The following SLC12A7 variants were observed in gnomAD, a reference collection of about 807,000 sequenced individuals.
The protein encoded by SLC12A7 is solute carrier family 12 member 7, also known as K-Cl cotransporter 4.
A neutral mutation model predicts 120.6 loss-of-function variants in SLC12A7; 100 were observed. The observed-to-expected ratio is 0.83, with a 90% CI of 0.71 to 0.98. SLC12A7 has a LOEUF of 0.98. Ranked by LOEUF, SLC12A7 falls within the 50% of genes least tolerant of loss-of-function variation. The probability of loss-of-function intolerance (pLI) is 0.00; values close to 1 mark genes in which losing one functional copy is unlikely to be tolerated. For synonymous variants in SLC12A7, 760 were observed against 678.0 expected, an observed-to-expected ratio of 1.12 and a Z score of -1.88; for missense variants, 1,373 against 1,548.1, an observed-to-expected ratio of 0.89 and a Z score of 1.90.
At position 1,080,267 on chromosome 5, in the gene SLC12A7, ACGCCCTCCACCCACGGCGCG is replaced by A. The variant is rs1480891009; in HGVS notation, c.1298-791_1298-772del. On this transcript the variant is annotated intron_variant, in intron 9 of 23. Transcript: ENST00000264930. ...GGAGCCACGCAGAGGCTCTGCCCCC[ACGCCCTCCACCCACGGCGCG>A]GAGACACCAGGAGCCACGCAGAGGC... is the stretch of plus-strand genomic sequence containing the variant. 2.5e-3 allele frequency among the ~76,000 whole-genome samples: 58 copies of A among 23,510 alleles called. 14 individuals are homozygous for A. Among genetic ancestry groups the A allele is most frequent in the South Asian group, 0.011 (5 of 450 alleles). 15.4% of individuals were successfully genotyped at this position (23,510 alleles called of 152,430 possible).
In SLC12A7 at chr5:1,070,030, T is replaced by TA. The variant is rs1273596129; in HGVS notation, c.2241+3602dup. ...GCCCCCAGCACACGGGCATCACACT[T>TA]ATGCAGCCCCCAGTGAGCCCCCAGT... is the stretch of plus-strand genomic sequence containing the variant. On this transcript the variant is annotated intron_variant, in intron 17 of 23. Coordinates refer to ENST00000264930, the MANE Select transcript of SLC12A7 (RefSeq NM_006598.3). Among the ~76,000 whole-genome samples the TA allele has an allele frequency of 6.1e-3, 160 of 26,180 alleles. 1 individual carries two copies. Among genetic ancestry groups the TA allele is most frequent in the East Asian group, 0.012 (9 of 744 alleles). The allele number at this position is 26,180 out of a possible 152,430, so 17.2% of individuals were successfully genotyped here.
intron 9 of SLC12A7, among the ~76,000 whole-genome samples, chr5:1,080,121 C>G (rs957957168): frequency 6.6e-6 from 1 of 151,984 alleles, no homozygotes; most frequent in Admixed American, 6.5e-5. Flanking sequence ...TCCAGTGCCG[C>G]GGAGACACCC....
At chr5:1,088,279 G>C in intron 5 of SLC12A7, 27 bp downstream of exon 5, 1 of 1,571,988 alleles carries the variant, frequency 6.4e-7, no homozygotes, top group Non-Finnish European at 8.6e-7. Context: ...ACAGGACTCA[G>C]GGCCGCGGCT....
At chr5:1,085,637 C>CG (rs1739765210) in intron 6 of SLC12A7, among the ~76,000 whole-genome samples, 164 bp from the exon 7 acceptor site, 11 of 138,858 alleles carry the variant, frequency 7.9e-5, no homozygotes, top group South Asian at 4.5e-4. Context: ...AGCGCACAGG[C>CG]AAGGGACGGA....
the SLC12A7 span, among the ~76,000 whole-genome samples, chr5:1,138,256 G>A: frequency 6.6e-6 from 1 of 152,174 alleles, no homozygotes; most frequent in Non-Finnish European, 1.5e-5. Context: ...CCCACTGCCG[G>A]CGGGGTGGGG....
At chr5:1,097,548 T>G (rs1285217647) in intron 1 of SLC12A7, among the ~76,000 whole-genome samples, 4 of 152,216 alleles carry the variant, frequency 2.6e-5, no homozygotes, top group African/African-American at 7.2e-5. Context: ...CCGAGATCCC[T>G]GCGTCTGACT....
chr5:1,082,777 G>A, intron 8 of SLC12A7, among the ~76,000 whole-genome samples: 1 of 145,988 alleles, frequency 6.8e-6, no homozygotes, highest in East Asian at 2.1e-4. Flanking sequence ...CTTGGGTTCT[G>A]GAAAGCCTGG....
rs997270292 is a variant in SLC12A7, at chr5:1,056,657, C to G, written c.3026+814G>C. On this transcript the variant is annotated intron_variant, in intron 22 of 23. Coordinates refer to ENST00000264930, the MANE Select transcript of SLC12A7 (RefSeq NM_006598.3). Reference sequence around the variant, plus strand: ...CTTCAGGAGAGAGCACCAGGCTGTTCCAGATCGCATGGCTGCCCAGGAGGA... The same window carrying G: ...CTTCAGGAGAGAGCACCAGGCTGTTGCAGATCGCATGGCTGCCCAGGAGGA... The G allele has an allele frequency of 7.7e-6, 7 of 907,388 alleles. No individual in the cohort carries two copies. The African/African-American group carries it at 1.3e-4, about 16-fold the overall frequency. The allele number at this position is 907,388 out of a possible 1,614,324, so 56.2% of individuals were successfully genotyped here. A position where few individuals can be genotyped will look rare whatever the true frequency, so the allele number is the denominator to read the frequency against.
At chr5:1,081,927 T>C (rs1329979822) in intron 8 of SLC12A7, among the ~76,000 whole-genome samples, 183 bp from the exon 9 acceptor site, 1 of 152,260 alleles carries the variant, frequency 6.6e-6, no homozygotes, top group Non-Finnish European at 1.5e-5. Context: ...AAGCTGCCTG[T>C]CTGCGTCTAC....
intron 3 of SLC12A7, among the ~76,000 whole-genome samples, chr5:1,092,322 C>T (rs1489555433): frequency 6.6e-6 from 1 of 152,214 alleles, no homozygotes; most frequent in Non-Finnish European, 1.5e-5. Context: ...AAGCGCAGAG[C>T]CCAGGCTGGG....
At chr5:1,060,547 C>T (rs546079297) in intron 20 of SLC12A7, 96 bp from the exon 21 acceptor site, 25 of 929,346 alleles carry the variant, frequency 2.7e-5, no homozygotes, top group Middle Eastern at 2.2e-4. Context: ...CCGCCCTGAG[C>T]GGTGGGAAAG....
At chr5:1,128,738 C>CGTGT in the SLC12A7 span, among the ~76,000 whole-genome samples, 2 of 152,134 alleles carry the variant, frequency 1.3e-5, no homozygotes, top group African/African-American at 2.4e-5. Context: ...TGTATGTGTG[C>CGTGT]GTGTGTGTGT....
intron 1 of SLC12A7, among the ~76,000 whole-genome samples, chr5:1,109,878 A>C (rs1201283380): frequency 6.6e-6 from 1 of 152,214 alleles, no homozygotes; most frequent in Non-Finnish European, 1.5e-5. Flanking sequence ...AGTCAGGAAG[A>C]GCTTGGGTGC....
chr5:1,094,786 A>T (rs987633957), intron 1 of SLC12A7, among the ~76,000 whole-genome samples: 22 of 152,136 alleles, frequency 1.4e-4, no homozygotes, highest in South Asian at 4.2e-4. Flanking sequence ...CCTGTTGAGG[A>T]CGCCGCCCAC....
chr5:1,102,816 T>A (rs1279100155), intron 1 of SLC12A7, among the ~76,000 whole-genome samples: 1 of 152,098 alleles, frequency 6.6e-6, no homozygotes, highest in Non-Finnish European at 1.5e-5. Flanking sequence ...GGTGACCCAG[T>A]GGCATCAGCT....
chr5:1,140,637 C>T, the SLC12A7 span, among the ~76,000 whole-genome samples: 1 of 152,248 alleles, frequency 6.6e-6, no homozygotes, highest in East Asian at 1.9e-4. Context: ...GGAACTCGCA[C>T]CGCTGGCTCC....
chr5:1,061,138 C>A (rs59587516), intron 20 of SLC12A7, among the ~76,000 whole-genome samples: 220 of 20,848 alleles, frequency 0.011, 12 homozygotes, highest in Admixed American at 0.014. Context: ...GGGACCCCTG[C>A]GTCTCACCCG....
intron 22 of SLC12A7, among the ~76,000 whole-genome samples, chr5:1,054,038 G>T (rs1735338368): frequency 6.6e-6 from 1 of 152,232 alleles, no homozygotes; most frequent in South Asian, 2.1e-4. Context: ...CCCCACACCG[G>T]CCTGTGCAGC....
At chr5:1,052,588 G>A (rs1735162394) in intron 23 of SLC12A7, 137 bp from the exon 24 acceptor site, 1 of 721,112 alleles carries the variant, frequency 1.4e-6, no homozygotes, top group African/African-American at 1.7e-5. Context: ...TGAAAAGAGA[G>A]GTGGGGATTA....
Sources: gnomAD v4.1 joint callset for allele counts (sites outside exome capture counted in the v4.1 genomes callset) on GRCh38, gnomAD v4.1.1 for gene constraint, MANE v1.5 for transcripts, NCBI Gene and HGNC (gene_info 2026-07-23, HGNC 2026-07-21) for gene names.